CACNA1C: variants seen among roughly 807,000 people sequenced by gnomAD.
The protein encoded by CACNA1C is calcium voltage-gated channel subunit alpha1 C, also known as voltage-dependent L-type calcium channel subunit alpha-1C.
In CACNA1C, 30 loss-of-function variants were observed where a neutral mutation model predicts 229.0. The observed-to-expected ratio is 0.13, with a 90% CI of 0.10 to 0.18. CACNA1C has a LOEUF of 0.18. Among genes scored for constraint, CACNA1C ranks in the 10% least tolerant of loss-of-function variants. The pLI is 1.00. For synonymous variants in CACNA1C, 1,114 were observed against 1,132.5 expected (o/e 0.98, Z 0.33); for missense variants, 1,658 against 2,845.0 (o/e 0.58, Z 9.49).
intron 3 of CACNA1C, among the ~76,000 whole-genome samples, chr12:2,290,555 C>T (rs1215734565): frequency 6.6e-6 from 1 of 152,168 alleles, no homozygotes; most frequent in Non-Finnish European, 1.5e-5. Flanking sequence ...CCTAACCAGG[C>T]AGACTCTGGA....
rs1309248198 is a variant in CACNA1C at position 2,215,310 on chromosome 12, T to G, written c.477+94880T>G. 1.3e-5 allele frequency among the ~76,000 whole-genome samples: 2 copies of G among 152,172 alleles called. No homozygotes were observed. The highest frequency in any genetic ancestry group is 2.9e-5 in the Non-Finnish European group (2 of 68,022). ...TTCCCTTTCTGCGAGCTTGCCCACT[T>G]GCTAGGATGGATCCTGGTCAGTGGA... is the stretch of plus-strand genomic sequence containing the variant. On this transcript the variant is annotated intron_variant, in intron 3 of 46. Transcript: ENST00000399655. This position sits in a 1 kb window ranked among gnomAD's most constrained non-coding sequence, Gnocchi z 5.0.
At position 2,062,748 on chromosome 12, in the gene CACNA1C, C is replaced by T. The variant is rs186813957; in HGVS notation, c.49+9137C>T. Among the ~76,000 whole-genome samples, 20 of 152,250 alleles carry T rather than the reference C, an allele frequency of 1.3e-4. 1 individual carries two copies. The highest frequency in any genetic ancestry group is 1.9e-4 in the Non-Finnish European group (13 of 68,028). The stretch of plus-strand genomic sequence containing the variant: ...ACCTAGGTCAGTACACCTTGTCTCC[C>T]GGGGGACCCATTTGTGGCATGGCCT... On this transcript the variant is annotated intron_variant, in intron 1 of 46. Transcript: ENST00000399655.
intron 29 of CACNA1C, chr12:2,612,805 A>G (rs2078472447): frequency 6.6e-6 from 1 of 152,210 alleles, no homozygotes; most frequent in East Asian, 1.9e-4. Context: ...AATCACGGGT[A>G]TCCACTGGCC....
intron 1 of CACNA1C, among the ~76,000 whole-genome samples, chr12:2,025,175 G>A (rs1237678238): frequency 4.6e-5 from 7 of 152,118 alleles, no homozygotes; most frequent in Admixed American, 4.6e-4. Flanking sequence ...TAGTGAAGGC[G>A]AGGGGGCCCC....
chr12:2,210,535 T>G (rs2097888652), intron 3 of CACNA1C, among the ~76,000 whole-genome samples: 2 of 152,202 alleles, frequency 1.3e-5, no homozygotes, highest in Non-Finnish European at 2.9e-5. Context: ...TGGTGGGGGG[T>G]TTGTTGACTC....
intron 3 of CACNA1C, among the ~76,000 whole-genome samples, chr12:2,378,798 C>CTTCCTTCG (rs1297567769): frequency 0.016 from 2,234 of 137,964 alleles, 26 homozygotes; most frequent in Non-Finnish European, 0.026. Context: ...TCCTTCCTTC[C>CTTCCTTCG]TTCCTTCCTT....
chr12:2,685,461 G>A (rs1348553962), intron 43 of CACNA1C, among the ~76,000 whole-genome samples: 1 of 151,564 alleles, frequency 6.6e-6, no homozygotes, highest in South Asian at 2.1e-4. Context: ...CAACACCTTT[G>A]ACCCCAGAGT....
Position 2,232,971 on chromosome 12 carries a change from A to G in CACNA1C, c.477+112541A>G, listed in dbSNP as rs115007516. Among the ~76,000 whole-genome samples, 1,042 of 152,268 alleles carry G rather than the reference A, an allele frequency of 6.8e-3. 13 individuals carry two copies. The highest frequency in any genetic ancestry group is 0.024 in the African/African-American group (998 of 41,528). On this transcript the variant is annotated intron_variant, in intron 3 of 46. Coordinates refer to ENST00000399655, the MANE Select transcript of CACNA1C (RefSeq NM_000719.7). ...TGTTTTCTTGCTTTGGGACCACAAGATATTCCAGGCACATCTTTTATTTCC... is the reference window on the plus strand; with the variant it reads ...TGTTTTCTTGCTTTGGGACCACAAGGTATTCCAGGCACATCTTTTATTTCC...
chr12:2,076,040 G>A (rs573119030), intron 1 of CACNA1C, among the ~76,000 whole-genome samples: 10 of 152,208 alleles, frequency 6.6e-5, no homozygotes, highest in Non-Finnish European at 1.3e-4. Flanking sequence ...GGGACACAGG[G>A]CAGCCTGATA....
Position 2,649,207 on chromosome 12 carries a change from C to A in CACNA1C, c.3945+700C>A, listed in dbSNP as rs534818199. On this transcript the variant is annotated intron_variant, in intron 31 of 46. Transcript: ENST00000399655. This position sits in a 1 kb window ranked among gnomAD's most constrained non-coding sequence, Gnocchi z 4.4. ...ACTCCTGTTGTAGGAGTCTCTGATT[C>A]GCGTTGGTTGAAGTGATAAAAGAGA... 1.3e-5 allele frequency among the ~76,000 whole-genome samples: 2 copies of A among 152,302 alleles called. No homozygotes were observed. The highest frequency in any genetic ancestry group is 4.8e-5 in the African/African-American group (2 of 41,566).
chr12:1,997,059 A>T (rs979498494), intron 1 of CACNA1C, among the ~76,000 whole-genome samples: 2 of 152,226 alleles, frequency 1.3e-5, no homozygotes, highest in African/African-American at 4.8e-5. Context: ...CAATATACAT[A>T]ATGTATGTCT....
At chr12:2,501,249 A>C (rs60106275) in intron 7 of CACNA1C, among the ~76,000 whole-genome samples, 29,877 of 143,670 alleles carry the variant, frequency 0.21, 3,452 homozygotes, top group East Asian at 0.41. Flanking sequence ...AGCAATACTC[A>C]TTTAGAGGAA....
rs893998064 is a variant in CACNA1C at position 2,695,114 on chromosome 12, G to C, written c.*3915G>C. On this transcript the variant is annotated 3_prime_UTR_variant, in exon 47 of 47. Coordinates refer to ENST00000399655, the MANE Select transcript of CACNA1C (RefSeq NM_000719.7). Reference sequence around the variant, plus strand: ...GGCAAATACTTGCTGATGGAGTCTGGGCCGTTTCCATATTTTAAAGAAGAC... The same window carrying C: ...GGCAAATACTTGCTGATGGAGTCTGCGCCGTTTCCATATTTTAAAGAAGAC... 1 of 152,198 alleles carries C rather than the reference G, an allele frequency of 6.6e-6. No individual in the cohort carries two copies. Among genetic ancestry groups the C allele is most frequent in the African/African-American group, 2.4e-5 (1 of 41,440 alleles). 9.4% of individuals were successfully genotyped at this position (152,198 alleles called of 1,614,324 possible). A position where few individuals can be genotyped will look rare whatever the true frequency, so the allele number is the denominator to read the frequency against.
intron 3 of CACNA1C, among the ~76,000 whole-genome samples, chr12:2,367,651 A>G (rs1000982503): frequency 6.6e-6 from 1 of 152,232 alleles, no homozygotes; most frequent in South Asian, 2.1e-4. Flanking sequence ...TAGATTTACA[A>G]TATAAAGCAG....
At chr12:2,309,574 C>A (rs369294356) in intron 3 of CACNA1C, among the ~76,000 whole-genome samples, 1 of 152,084 alleles carries the variant, frequency 6.6e-6, no homozygotes, top group African/African-American at 2.4e-5. Flanking sequence ...ACACATAAAT[C>A]ATCATGTTGT....
chr12:2,393,175 A>T (rs141587406), intron 3 of CACNA1C, among the ~76,000 whole-genome samples: 8 of 152,246 alleles, frequency 5.3e-5, no homozygotes, highest in Middle Eastern at 3.4e-3. Context: ...TGGGCTCACT[A>T]GGAGGGGCAA....
At chr12:2,668,692 TAAAC>T in intron 37 of CACNA1C, 1 of 472,128 alleles carries the variant, frequency 2.1e-6, no homozygotes, top group Non-Finnish European at 3.8e-6. Context: ...CACACTTACT[TAAAC>T]AAGCAGATCT....
rs1423885972 is a variant in CACNA1C at position 2,410,853 on chromosome 12, C to T, written c.478-38123C>T. ...TGTGTGTTTCAGGAGCTGACCCTGG[C>T]TGTGAGGATGGCCTTCCTATCCTTC... On this transcript the variant is annotated intron_variant, in intron 3 of 46. Coordinates refer to ENST00000399655, the MANE Select transcript of CACNA1C (RefSeq NM_000719.7). This position sits in a 1 kb window ranked among gnomAD's most constrained non-coding sequence, Gnocchi z 5.3. Among the ~76,000 whole-genome samples, 1 of 152,006 alleles carries T rather than the reference C, an allele frequency of 6.6e-6. No individual in the cohort carries two copies. Among genetic ancestry groups the T allele is most frequent in the Non-Finnish European group, 1.5e-5 (1 of 67,996 alleles).
intron 3 of CACNA1C, among the ~76,000 whole-genome samples, chr12:2,364,274 T>C (rs1426268304): frequency 6.6e-6 from 1 of 152,172 alleles, no homozygotes; most frequent in Non-Finnish European, 1.5e-5. Flanking sequence ...GTGAATGCAA[T>C]AGGGAAAATG....
Sources: allele counts gnomAD v4.1 joint callset (sites outside exome capture counted in the v4.1 genomes callset), GRCh38; gene constraint gnomAD v4.1.1; non-coding constraint Gnocchi (gnomAD v3.1); transcripts MANE v1.5; gene names NCBI Gene and HGNC (gene_info 2026-07-23, HGNC 2026-07-21).